The following SH3PXD2B variants were observed in gnomAD, a reference collection of about 807,000 sequenced individuals.
SH3PXD2B encodes SH3 and PX domains 2B.
A neutral mutation model predicts 73.1 loss-of-function variants in SH3PXD2B; 37 were observed. The observed-to-expected ratio is 0.51, with a 90% CI of 0.39 to 0.67. SH3PXD2B has a LOEUF of 0.67. Ranked by LOEUF, SH3PXD2B falls within the 30% of genes least tolerant of loss-of-function variation. SH3PXD2B has a pLI of 0.00. For synonymous variants in SH3PXD2B, 457 were observed against 480.5 expected (o/e 0.95, Z 0.64); for missense variants, 1,053 against 1,197.8 (o/e 0.88, Z 1.78).
intron 1 of SH3PXD2B, among the ~76,000 whole-genome samples, chr5:172,451,509 T>C (rs556593280): frequency 6.6e-6 from 1 of 152,112 alleles, no homozygotes; most frequent in Non-Finnish European, 1.5e-5. Context: ...AGGACAGCCC[T>C]GAAACAAAGA....
intron 5 of SH3PXD2B, among the ~76,000 whole-genome samples, chr5:172,376,981 G>A (rs758141917): frequency 3.6e-4 from 55 of 152,248 alleles, no homozygotes; most frequent in Non-Finnish European, 6.9e-4. Context: ...CACTAACGAA[G>A]GTTCCACCAG....
chr5:172,338,875 G>A lies in SH3PXD2B; in HGVS notation c.2230C>T (p.Pro744Ser), dbSNP rs202052552. 15 of 1,612,796 alleles carry A rather than the reference G, an allele frequency of 9.3e-6. No homozygotes were observed. The highest frequency in any genetic ancestry group is 1.0e-5 in the Non-Finnish European group (12 of 1,179,018). ...KTTDPVSKSVPVPLQEAPQQR... is the reference protein window; with the variant it reads ...KTTDPVSKSVSVPLQEAPQQR... ...TGGGGAGCCTCTTGGAGAGGAACAG[G>A]CACGCTCTTAGACACAGGATCTGTG... Residue 744 changes from proline (P) to serine (S), a missense_variant, in exon 13 of 13, where the codon CCT becomes TCT. This residue lies in a region of SH3PXD2B where 587 missense variants were observed against 590.7 expected (regional missense o/e 0.99). Transcript: ENST00000311601. The surrounding 1 kb of genome is among the most constrained non-coding windows in gnomAD (Gnocchi z 5.1).
chr5:172,435,200 C>T (rs1372865783), intron 1 of SH3PXD2B, among the ~76,000 whole-genome samples: 5 of 152,216 alleles, frequency 3.3e-5, no homozygotes, highest in East Asian at 1.9e-4. Context: ...CTATTTTTAG[C>T]AAGTGCTACT....
intron 2 of SH3PXD2B, among the ~76,000 whole-genome samples, chr5:172,411,518 C>T (rs572570310): frequency 2.5e-4 from 38 of 152,332 alleles, no homozygotes; most frequent in Non-Finnish European, 4.6e-4. Flanking sequence ...GACATGACTG[C>T]TGGGGACCCA....
At chr5:172,370,803 A>C (rs1581282870) in intron 6 of SH3PXD2B, among the ~76,000 whole-genome samples, 1 of 152,244 alleles carries the variant, frequency 6.6e-6, no homozygotes, top group Admixed American at 6.5e-5. Flanking sequence ...AGGAGTCTCC[A>C]CTTAGGCTTC....
chr5:172,414,394 G>A (rs939841624), intron 2 of SH3PXD2B, among the ~76,000 whole-genome samples: 3 of 150,680 alleles, frequency 2.0e-5, no homozygotes, highest in South Asian at 2.1e-4. Flanking sequence ...GTTTGAACCC[G>A]GGAAGCGGAG....
At chr5:172,424,036 A>G (rs1177893854) in intron 1 of SH3PXD2B, among the ~76,000 whole-genome samples, 3 of 151,942 alleles carry the variant, frequency 2.0e-5, no homozygotes, top group Non-Finnish European at 2.9e-5. Flanking sequence ...GGGGCTACCC[A>G]TCCTCACTGG....
At chr5:172,332,160 T>C (rs1425242711), downstream of SH3PXD2B, among the ~76,000 whole-genome samples, 2 of 151,976 alleles carry the variant, frequency 1.3e-5, no homozygotes, top group African/African-American at 2.4e-5. Flanking sequence ...GCCCATACCA[T>C]TGCCAGTCCT....
chr5:172,373,419 G>A (rs576681592), intron 6 of SH3PXD2B, among the ~76,000 whole-genome samples: 176 of 152,318 alleles, frequency 1.2e-3, no homozygotes, highest in South Asian at 5.0e-3. Flanking sequence ...TTTAACTCCC[G>A]ATAGCATGGC....
chr5:172,399,607 A>C (rs1379460318), intron 3 of SH3PXD2B, among the ~76,000 whole-genome samples: 1 of 152,158 alleles, frequency 6.6e-6, no homozygotes, highest in Non-Finnish European at 1.5e-5. Context: ...ATCCTCCTTG[A>C]TGGCAATGGA....
At chr5:172,354,366 C>T (rs185808750) in intron 8 of SH3PXD2B, among the ~76,000 whole-genome samples, 3 of 152,304 alleles carry the variant, frequency 2.0e-5, no homozygotes, top group African/African-American at 4.8e-5. Flanking sequence ...CCTTGTAACA[C>T]GACATGTATT....
In SH3PXD2B at chr5:172,393,972, C is replaced by A. The variant is rs10078465; in HGVS notation, c.309+591G>T. ...GGATTTTTTTTTTTTTGAGACAGAG[C>A]CTCACTCTGTTGCCCAGGTGGGAGT... On this transcript the variant is annotated intron_variant, in intron 4 of 12. Transcript: ENST00000311601. Among the ~76,000 whole-genome samples the A allele has an allele frequency of 2.0e-5, 3 of 151,816 alleles. No individual in the cohort carries two copies. The South Asian group carries it at 6.2e-4, about 32-fold the overall frequency.
rs376390898 is a variant in SH3PXD2B at position 172,396,603 on chromosome 5, A to C, written c.233-1964T>G. 2.4e-3 allele frequency among the ~76,000 whole-genome samples: 353 copies of C among 149,868 alleles called. 1 individual carries two copies. Among genetic ancestry groups the C allele is most frequent in the African/African-American group, 8.4e-3 (338 of 40,168 alleles). On this transcript the variant is annotated intron_variant, in intron 3 of 12. Coordinates refer to ENST00000311601, the MANE Select transcript of SH3PXD2B (RefSeq NM_001017995.3). ...CTAGGTAGACAAGGTAAATTTAAAA[A>C]AAGAGAGAAAGCCTTTTTTTTTTTT...
Position 172,333,602 on chromosome 5 carries a change from G to A in SH3PXD2B, c.*4767C>T, listed in dbSNP as rs1756616080. 7.8e-7 allele frequency: 1 copy of A among 1,278,004 alleles called. No individual in the cohort carries two copies. Among genetic ancestry groups the A allele is most frequent in the Non-Finnish European group, 1.0e-6 (1 of 985,436 alleles). The allele number at this position is 1,278,004 out of a possible 1,614,324, so 79.2% of individuals were successfully genotyped here. The stretch of plus-strand genomic sequence containing the variant: ...ATATAGCCTACACATGCTACAGCTA[G>A]TTGTTCTCACCCCTCCCCTCACATC... On this transcript the variant is annotated 3_prime_UTR_variant, in exon 13 of 13. Transcript: ENST00000311601.
At position 172,333,562 on chromosome 5, in the gene SH3PXD2B, G is replaced by T; in HGVS notation, c.*4807C>A. 1.7e-6 allele frequency: 2 copies of T among 1,171,864 alleles called. No individual in the cohort carries two copies. Among genetic ancestry groups the T allele is most frequent in the Non-Finnish European group, 2.1e-6 (2 of 936,790 alleles). The allele number at this position is 1,171,864 out of a possible 1,614,324, so 72.6% of individuals were successfully genotyped here. Reference sequence around the variant, plus strand: ...ATTTAAAAAAAAAAAAAGGAAAGAAGTCAAATGGTAAAGTATATAGCCTAC... The same window carrying T: ...ATTTAAAAAAAAAAAAAGGAAAGAATTCAAATGGTAAAGTATATAGCCTAC... On this transcript the variant is annotated 3_prime_UTR_variant, in exon 13 of 13. Coordinates refer to ENST00000311601, the MANE Select transcript of SH3PXD2B (RefSeq NM_001017995.3).
At position 172,338,801 on chromosome 5, in the gene SH3PXD2B, G is replaced by T; in HGVS notation, c.2304C>A (p.Thr768=). The T allele has an allele frequency of 6.2e-7, 1 of 1,614,184 alleles. No individual in the cohort carries two copies. Among genetic ancestry groups the T allele is most frequent in the Non-Finnish European group, 8.5e-7 (1 of 1,180,022 alleles). ...PPRRPPPPKK[T]SSSSRPLPEV... ...CTGGGAGCGGCCTGGATGACGAAGA[G>T]GTTTTCTTTGGGGGAGGTGGTCTGC... The change falls in exon 13 of 13, where the codon ACC becomes ACA. Residue 768 remains threonine (T), a synonymous_variant. Coordinates refer to ENST00000311601, the MANE Select transcript of SH3PXD2B (RefSeq NM_001017995.3). This position sits in a 1 kb window ranked among gnomAD's most constrained non-coding sequence, Gnocchi z 5.1.
intron 2 of SH3PXD2B, among the ~76,000 whole-genome samples, chr5:172,414,567 C>T (rs541178831): frequency 1.8e-4 from 27 of 150,468 alleles, no homozygotes; most frequent in African/African-American, 5.4e-4. Context: ...TCTGGAGAGA[C>T]AAAGGCATAG....
At chr5:172,425,565 G>A (rs1759076263) in intron 1 of SH3PXD2B, among the ~76,000 whole-genome samples, 1 of 152,132 alleles carries the variant, frequency 6.6e-6, no homozygotes, top group African/African-American at 2.4e-5. Flanking sequence ...GAAAATGCTC[G>A]CCTGTGTGAG....
downstream of SH3PXD2B, among the ~76,000 whole-genome samples, chr5:172,329,075 A>ATTTT (rs1561884420): frequency 1.8e-4 from 13 of 71,118 alleles, no homozygotes; most frequent in African/African-American, 6.1e-4. Context: ...ATATATATAT[A>ATTTT]TATATATATT....
Sources: allele counts gnomAD v4.1 joint callset (sites outside exome capture counted in the v4.1 genomes callset), GRCh38; gene constraint gnomAD v4.1.1; regional missense constraint gnomAD v4.1.1; non-coding constraint Gnocchi (gnomAD v3.1); transcripts MANE v1.5; gene names NCBI Gene and HGNC (gene_info 2026-07-23, HGNC 2026-07-21).